Variants in ZDHHC23 observed in about 807,000 individuals in gnomAD.
ZDHHC23 encodes the protein zDHHC palmitoyltransferase 23.
Under a neutral mutation model 40.2 loss-of-function variants are expected in ZDHHC23, and 41 were observed. The ratio of observed to expected loss-of-function variants is 1.02; its 90% CI spans 0.79 to 1.32. The LOEUF is 1.32. Ranked by LOEUF, ZDHHC23 falls within the 40% of genes most tolerant of loss-of-function variation. ZDHHC23 has a pLI of 0.00. For synonymous variants in ZDHHC23, 204 were observed against 210.2 expected (o/e 0.97, Z 0.26); for missense variants, 471 against 541.5 (o/e 0.87, Z 1.29).
rs1707484033 is a variant in ZDHHC23, at chr3:113,958,848, T to A, written c.*218T>A. 20 of 1,368,530 alleles carry A rather than the reference T, an allele frequency of 1.5e-5. No individual in the cohort carries two copies. Among genetic ancestry groups the A allele is most frequent in the Middle Eastern group, 2.7e-4 (1 of 3,676 alleles). The allele number at this position is 1,368,530 out of a possible 1,614,324, so 84.8% of individuals were successfully genotyped here. A position where few individuals can be genotyped will look rare whatever the true frequency, so the allele number is the denominator to read the frequency against. On this transcript the variant is annotated 3_prime_UTR_variant, in exon 5 of 5. Coordinates refer to ENST00000638807, the MANE Select transcript of ZDHHC23 (RefSeq NM_001320466.2). ...TAAAAGTAGAGCCATTCCTTTCCAG[T>A]CACCTTTTTAATTGACTCAGTTGCC...
Position 113,958,581 on chromosome 3 carries a change from C to T in ZDHHC23, c.1259C>T (p.Ser420Phe), listed in dbSNP as rs745491128. The change falls in exon 5 of 5, where the codon TCC (serine) becomes TTC (phenylalanine). Residue 420 changes from serine to phenylalanine, a missense_variant. Ser to Phe is a radical substitution (Grantham distance 155). Coordinates refer to ENST00000638807, the MANE Select transcript of ZDHHC23 (RefSeq NM_001320466.2). Reference sequence around the variant, plus strand: ...TTCCTGCGGAACTGGCACCAGTTCTCCACCCTGGGCACACGTGCATTCCAC... The same window carrying T: ...TTCCTGCGGAACTGGCACCAGTTCTTCACCCTGGGCACACGTGCATTCCAC... The part of the protein sequence containing the change: ...RGFLRNWHQF[S>F]TLGTRAFHHP... 2.4e-5 allele frequency: 38 copies of T among 1,607,424 alleles called. No homozygotes were observed. In the Admixed American group the frequency reaches 6.3e-4, roughly 27 times the overall value.
chr3:113,953,562 A>G (rs7615622), intron 2 of ZDHHC23, 138 bp from the exon 3 acceptor site: 385,744 of 710,356 alleles, frequency 0.54, 105,270 homozygotes, highest in East Asian at 0.63. Flanking sequence ...GAAAAGCTTA[A>G]TTTAGTAGTA....
At position 113,960,420 on chromosome 3, in the gene ZDHHC23, C is replaced by A; in HGVS notation, c.*1790C>A. The A allele has an allele frequency of 7.8e-7, 1 of 1,278,606 alleles. No homozygotes were observed. The allele number at this position is 1,278,606 out of a possible 1,614,324, so 79.2% of individuals were successfully genotyped here. ...AGAATTAAAGTTGGATTTGATATAACAAATTTCTTTCTATACAGGTTTTAC... is the reference window on the plus strand; with the variant it reads ...AGAATTAAAGTTGGATTTGATATAAAAAATTTCTTTCTATACAGGTTTTAC... On this transcript the variant is annotated 3_prime_UTR_variant, in exon 5 of 5. Transcript: ENST00000638807.
downstream of ZDHHC23, chr3:113,965,503 CAGTGTGAAATG>C: frequency 4.4e-6 from 2 of 459,526 alleles, no homozygotes; most frequent in South Asian, 1.1e-4. Context: ...GGGATTATGA[CAGTGTGAAATG>C]CTGTGAAAAA....
chr3:113,963,574 CAAAAAAAAAAAAAA>C (rs10526433), downstream of ZDHHC23, among the ~76,000 whole-genome samples: 1 of 50,768 alleles, frequency 2.0e-5, no homozygotes, highest in African/African-American at 8.8e-5. Context: ...CCATCTCTAC[CAAAAAAAAAAAAAA>C]AAAAAAAAAA....
the ZDHHC23 span, among the ~76,000 whole-genome samples, chr3:113,973,841 T>G: frequency 1.3e-5 from 2 of 151,944 alleles, no homozygotes; most frequent in African/African-American, 4.8e-5. Context: ...TTTTGGAAAG[T>G]TTCCTATTTT....
chr3:113,960,052 A>G lies in ZDHHC23; in HGVS notation c.*1422A>G, dbSNP rs556855734. On this transcript the variant is annotated 3_prime_UTR_variant, in exon 5 of 5. Transcript: ENST00000638807. ...TGTTGTGCAATCCCAAAGATAATTC[A>G]TGACTCCTTAAATTTGCCTTGGCTT... The G allele has an allele frequency of 3.0e-6, 3 of 989,360 alleles. No individual in the cohort carries two copies. The highest frequency in any genetic ancestry group is 2.2e-4 in the East Asian group (2 of 8,908). The allele number at this position is 989,360 out of a possible 1,614,324, so 61.3% of individuals were successfully genotyped here. A position where few individuals can be genotyped will look rare whatever the true frequency, so the allele number is the denominator to read the frequency against.
chr3:113,955,392 G>GCC (rs1553732107), intron 3 of ZDHHC23, among the ~76,000 whole-genome samples: 3 of 133,760 alleles, frequency 2.2e-5, no homozygotes, highest in Non-Finnish European at 4.4e-5. Context: ...GTGTGTGTGT[G>GCC]CGTGTGTGTT....
chr3:113,979,138 T>G, the ZDHHC23 span: 1 of 815,712 alleles, frequency 1.2e-6, no homozygotes, highest in Non-Finnish European at 1.9e-6. Flanking sequence ...TGAAGGTACA[T>G]GCAGCCTGTG....
the ZDHHC23 span, chr3:113,978,309 T>A: frequency 6.2e-7 from 1 of 1,614,008 alleles, no homozygotes; most frequent in Non-Finnish European, 8.5e-7. Context: ...TTTTCTTACT[T>A]CTTCCTGCAG....
In ZDHHC23 at chr3:113,962,545, A is replaced by C. The variant is rs1000366526; in HGVS notation, c.*3915A>C. 6 of 152,184 alleles carry C rather than the reference A, an allele frequency of 3.9e-5. No homozygotes were observed. Among genetic ancestry groups the C allele is most frequent in the Admixed American group, 3.9e-4 (6 of 15,280 alleles). 9.4% of individuals were successfully genotyped at this position (152,184 alleles called of 1,614,324 possible). A position where few individuals can be genotyped will look rare whatever the true frequency, so the allele number is the denominator to read the frequency against. The stretch of plus-strand genomic sequence containing the variant: ...TCTATTCTAGTTACTGATGCAACTA[A>C]AATTCTGTATTTCTTAAGATGGAGC... On this transcript the variant is annotated 3_prime_UTR_variant, in exon 5 of 5. Transcript: ENST00000638807.
chr3:113,951,030 C>T (rs1214872014), intron 2 of ZDHHC23, among the ~76,000 whole-genome samples: 1 of 152,182 alleles, frequency 6.6e-6, no homozygotes, highest in Non-Finnish European at 1.5e-5. Flanking sequence ...GTTGGGCCCC[C>T]AAGGCTCTGG....
At chr3:113,970,934 A>G in the ZDHHC23 span, among the ~76,000 whole-genome samples, 1 of 152,124 alleles carries the variant, frequency 6.6e-6, no homozygotes, top group South Asian at 2.1e-4. Flanking sequence ...TCCATGGTGT[A>G]TATGTGCCAC....
At chr3:113,948,002 G>T (rs1161846963), upstream of ZDHHC23, 15 of 150,050 alleles carry the variant, frequency 1.0e-4, no homozygotes, top group Admixed American at 3.3e-4. Context: ...GGGCCGCGGC[G>T]GGCTGTGGTC....
chr3:113,960,005 A>G lies in ZDHHC23; in HGVS notation c.*1375A>G, dbSNP rs1939576411. Reference sequence around the variant, plus strand: ...TCAGATGAGGAAAATACCCTTTTGAAATGTTAGTTTTGAACATGTACTGTT... The same window carrying G: ...TCAGATGAGGAAAATACCCTTTTGAGATGTTAGTTTTGAACATGTACTGTT... On this transcript the variant is annotated 3_prime_UTR_variant, in exon 5 of 5. Transcript: ENST00000638807. 1 of 992,216 alleles carries G rather than the reference A, an allele frequency of 1.0e-6. No homozygotes were observed. Among genetic ancestry groups the G allele is most frequent in the Non-Finnish European group, 1.2e-6 (1 of 833,344 alleles). 61.5% of individuals were successfully genotyped at this position (992,216 alleles called of 1,614,324 possible). A position where few individuals can be genotyped will look rare whatever the true frequency, so the allele number is the denominator to read the frequency against.
downstream of ZDHHC23, among the ~76,000 whole-genome samples, chr3:113,968,460 C>T (rs562729506): frequency 4.4e-4 from 67 of 151,974 alleles, no homozygotes; most frequent in African/African-American, 1.3e-3. Context: ...TCTTCCCCCC[C>T]CTTTTTTTTT....
Position 113,959,513 on chromosome 3 carries a change from T to A in ZDHHC23, c.*883T>A, listed in dbSNP as rs927268521. 4 of 1,277,758 alleles carry A rather than the reference T, an allele frequency of 3.1e-6. No individual in the cohort carries two copies. In the Admixed American group the frequency reaches 9.2e-5, roughly 29 times the overall value. 79.2% of individuals were successfully genotyped at this position (1,277,758 alleles called of 1,614,324 possible). A position where few individuals can be genotyped will look rare whatever the true frequency, so the allele number is the denominator to read the frequency against. ...TCATGTGTTTTTCCTCTTCCCATGT[T>A]TCACCAGGTAAGGTGCTAGCACACT... On this transcript the variant is annotated 3_prime_UTR_variant, in exon 5 of 5. Coordinates refer to ENST00000638807, the MANE Select transcript of ZDHHC23 (RefSeq NM_001320466.2).
Position 113,962,900 on chromosome 3 carries a change from T to C in ZDHHC23, c.*4270T>C, listed in dbSNP as rs1186867888. The C allele has an allele frequency of 6.6e-6, 1 of 152,234 alleles. No homozygotes were observed. Among genetic ancestry groups the C allele is most frequent in the African/African-American group, 2.4e-5 (1 of 41,466 alleles). 9.4% of individuals were successfully genotyped at this position (152,234 alleles called of 1,614,324 possible). ...CACAAGGCCTTTTACATGGAAATTTTACAAATTACTTCCATTTATGTAAAA... is the reference window on the plus strand; with the variant it reads ...CACAAGGCCTTTTACATGGAAATTTCACAAATTACTTCCATTTATGTAAAA... On this transcript the variant is annotated 3_prime_UTR_variant, in exon 5 of 5. Coordinates refer to ENST00000638807, the MANE Select transcript of ZDHHC23 (RefSeq NM_001320466.2).
chr3:113,972,067 T>C, the ZDHHC23 span, among the ~76,000 whole-genome samples: 1 of 152,056 alleles, frequency 6.6e-6, no homozygotes, highest in Non-Finnish European at 1.5e-5. Context: ...AAAGTCTCAA[T>C]TCATTTATTT....
Sources: allele counts gnomAD v4.1 joint callset (sites outside exome capture counted in the v4.1 genomes callset), GRCh38; gene constraint gnomAD v4.1.1; transcripts MANE v1.5; gene names NCBI Gene and HGNC (gene_info 2026-07-23, HGNC 2026-07-21).